Variants in MED13 observed in about 807,000 individuals in gnomAD.
The protein encoded by MED13 is mediator complex subunit 13.
In MED13, 23 loss-of-function variants were observed where a neutral mutation model predicts 225.2. The observed-to-expected ratio is 0.10, with a 90% CI of 0.07 to 0.14. The LOEUF is 0.14. Ranked by LOEUF, MED13 falls within the 10% of genes least tolerant of loss-of-function variation. MED13 has a pLI of 1.00. For synonymous variants in MED13, 942 were observed against 889.2 expected (o/e 1.06, Z -1.06); for missense variants, 2,197 against 2,594.5 (o/e 0.85, Z 3.33).
intron 2 of MED13, among the ~76,000 whole-genome samples, chr17:62,059,670 G>A (rs1298718059): frequency 6.6e-6 from 1 of 152,182 alleles, no homozygotes; most frequent in African/African-American, 2.4e-5. Context: ...TGGAAGAAAT[G>A]AAAAAGGGGT....
At chr17:61,991,498 C>T (rs1390690880) in intron 11 of MED13, among the ~76,000 whole-genome samples, 1 of 151,220 alleles carries the variant, frequency 6.6e-6, no homozygotes, top group Non-Finnish European at 1.5e-5. Flanking sequence ...CACCACCACG[C>T]CCAGCTAATT....
intron 9 of MED13, among the ~76,000 whole-genome samples, chr17:61,997,180 C>T (rs1035271812): frequency 6.6e-6 from 1 of 152,160 alleles, no homozygotes; most frequent in African/African-American, 2.4e-5. Context: ...ACTAGTAGCA[C>T]TTGATCTCTT....
intron 8 of MED13, 35 bp downstream of exon 8, chr17:62,029,506 A>G: frequency 6.7e-7 from 1 of 1,488,328 alleles, no homozygotes; most frequent in Non-Finnish European, 9.4e-7. Flanking sequence ...ACAAACTATC[A>G]CACATAGGCA....
chr17:62,053,865 G>A (rs2080975955), intron 2 of MED13, among the ~76,000 whole-genome samples: 1 of 152,132 alleles, frequency 6.6e-6, no homozygotes, highest in Non-Finnish European at 1.5e-5. Flanking sequence ...CAAATGGGTA[G>A]AATAAACATT....
chr17:62,016,799 G>A (rs1488297220), intron 8 of MED13, among the ~76,000 whole-genome samples: 1 of 152,008 alleles, frequency 6.6e-6, no homozygotes, highest in South Asian at 2.1e-4. Context: ...ACCTGAGGTC[G>A]GGGGTTCTAG....
At chr17:62,012,902 C>T (rs893778534) in intron 8 of MED13, among the ~76,000 whole-genome samples, 2 of 151,818 alleles carry the variant, frequency 1.3e-5, no homozygotes, top group African/African-American at 4.8e-5. Context: ...AAGCAGTTTT[C>T]CTGCCTCAGC....
Position 61,955,298 on chromosome 17 carries a change from T to TA in MED13, c.5968+83dup. 3.4e-6 allele frequency: 4 copies of TA among 1,160,426 alleles called. No homozygotes were observed. In the East Asian group the frequency reaches 7.9e-5, roughly 23 times the overall value. The allele number at this position is 1,160,426 out of a possible 1,614,324, so 71.9% of individuals were successfully genotyped here. Reference sequence around the variant, plus strand: ...AAAATCATTTTTTGGTAAAACAAGGTAACATTCACACGTTTCAGGTATTGG... The same window carrying TA: ...AAAATCATTTTTTGGTAAAACAAGGTAAACATTCACACGTTTCAGGTATTGG... On this transcript the variant is annotated intron_variant, in intron 26 of 29. Coordinates refer to ENST00000397786, the MANE Select transcript of MED13 (RefSeq NM_005121.3).
At position 61,976,011 on chromosome 17, in the gene MED13, C is replaced by T. The variant is rs541224698; in HGVS notation, c.3806-3123G>A. 3.1e-4 allele frequency among the ~76,000 whole-genome samples: 47 copies of T among 151,248 alleles called. 1 individual carries two copies. In the South Asian group the frequency reaches 9.9e-3, roughly 32 times the overall value. ...AGCCTGGGCAACAAGAGCGAGACTCCGTCTCAAAAAAAAAATAAATAAATA... is the reference window on the plus strand; with the variant it reads ...AGCCTGGGCAACAAGAGCGAGACTCTGTCTCAAAAAAAAAATAAATAAATA... On this transcript the variant is annotated intron_variant, in intron 16 of 29. Transcript: ENST00000397786.
chr17:61,954,856 A>G (rs1021954062), intron 26 of MED13, among the ~76,000 whole-genome samples: 1 of 152,172 alleles, frequency 6.6e-6, no homozygotes, highest in African/African-American at 2.4e-5. Flanking sequence ...TGAAAGAATG[A>G]TTGTATTAGT....
intron 9 of MED13, chr17:62,004,285 G>A (rs2080424914): frequency 6.6e-6 from 1 of 152,160 alleles, no homozygotes; most frequent in African/African-American, 2.4e-5. Context: ...CCCTCATAGA[G>A]CTTACATTCT....
chr17:61,959,716 G>A (rs1182084864), intron 23 of MED13, among the ~76,000 whole-genome samples: 1 of 145,308 alleles, frequency 6.9e-6, no homozygotes, highest in East Asian at 2.1e-4. Context: ...ATAAACGATA[G>A]AACCCAAATC....
In MED13 at chr17:61,982,923, G is replaced by T. The variant is rs199681832; in HGVS notation, c.3080C>A (p.Pro1027His). 5.6e-6 allele frequency: 9 copies of T among 1,614,008 alleles called. No individual in the cohort carries two copies. Among genetic ancestry groups the T allele is most frequent in the Non-Finnish European group, 7.6e-6 (9 of 1,180,038 alleles). ...TTTGACTGAACCTTGAGCACTAGCA[G>T]GTCCACCAGCTCCACGAGGAGTCCG... ...TPRTPRGAGG[P>H]ASAQGSVKYE... The change falls in exon 16 of 30, where the codon CCT becomes CAT. Residue 1027 changes from proline to histidine, a missense_variant. Physicochemically the swap from Pro to His is moderately conservative, Grantham distance 77. Around this residue, in one of 12 missense-constraint regions of MED13, gnomAD observed 99 missense variants for 158.5 expected, o/e 0.62. Coordinates refer to ENST00000397786, the MANE Select transcript of MED13 (RefSeq NM_005121.3).
chr17:61,993,153 C>T (rs2080315266), intron 10 of MED13, among the ~76,000 whole-genome samples: 1 of 151,452 alleles, frequency 6.6e-6, no homozygotes, highest in Admixed American at 6.6e-5. Context: ...GAAATTTTAT[C>T]CTAAATCTGT....
intron 3 of MED13, among the ~76,000 whole-genome samples, chr17:62,037,588 A>C (rs1272472696): frequency 1.3e-5 from 2 of 148,772 alleles, no homozygotes. Context: ...AATCGCTTGA[A>C]CCCAGGAGAC....
intron 3 of MED13, among the ~76,000 whole-genome samples, chr17:62,045,329 C>G (rs1183255960): frequency 1.3e-5 from 2 of 152,104 alleles, no homozygotes; most frequent in Non-Finnish European, 2.9e-5. Flanking sequence ...ACAACAGATT[C>G]AACATGACAA....
At chr17:61,949,617 C>G (rs1377665452) in intron 28 of MED13, among the ~76,000 whole-genome samples, 2 of 152,108 alleles carry the variant, frequency 1.3e-5, no homozygotes, top group South Asian at 4.2e-4. Context: ...GCAATCTACA[C>G]ACAGCTAGAA....
At position 61,961,064 on chromosome 17, in the gene MED13, T is replaced by G; in HGVS notation, c.5283A>C (p.Ala1761=). The G allele has an allele frequency of 6.2e-7, 1 of 1,613,790 alleles. No individual in the cohort carries two copies. Among genetic ancestry groups the G allele is most frequent in the South Asian group, 1.1e-5 (1 of 91,076 alleles). Residue 1761 remains alanine, a synonymous_variant, in exon 23 of 30, where the codon GCA becomes GCC. Coordinates refer to ENST00000397786, the MANE Select transcript of MED13 (RefSeq NM_005121.3). ...PDRPECIRLY[A]PPFILAPVKD... is the part of the protein sequence containing the mutation. ...TCACTGGAGCCAGAATAAAAGGAGGTGCATAAAGTCGAATACACTCTGGTC... is the reference window on the plus strand; with the variant it reads ...TCACTGGAGCCAGAATAAAAGGAGGGGCATAAAGTCGAATACACTCTGGTC...
intron 14 of MED13, 28 bp from the exon 15 acceptor site, chr17:61,984,395 G>T (rs1603397190): frequency 6.8e-7 from 1 of 1,467,922 alleles, no homozygotes; most frequent in Non-Finnish European, 9.1e-7. Flanking sequence ...TAGGTTTTCA[G>T]TATCTTATCT....
At chr17:61,973,925 G>C (rs184185554) in intron 16 of MED13, among the ~76,000 whole-genome samples, 29 of 152,252 alleles carry the variant, frequency 1.9e-4, no homozygotes, top group African/African-American at 6.7e-4. Context: ...AGGGGTTGCA[G>C]TGAGCCGAGA....
Sources: gnomAD v4.1 joint callset for allele counts (sites outside exome capture counted in the v4.1 genomes callset) on GRCh38, gnomAD v4.1.1 for gene constraint, gnomAD v4.1.1 regional missense constraint, MANE v1.5 for transcripts, NCBI Gene and HGNC (gene_info 2026-07-23, HGNC 2026-07-21) for gene names.